Variants in TENM3 observed in about 807,000 individuals in gnomAD.
TENM3 encodes the protein teneurin transmembrane protein 3.
TENM3 carries 63 observed loss-of-function variants against 255.1 expected under a neutral mutation model. The observed-to-expected ratio is 0.25, with a 90% CI of 0.20 to 0.30. The LOEUF (loss-of-function observed/expected upper bound fraction) is 0.30. TENM3 is among the 10% of genes least tolerant of loss of function. The probability of loss-of-function intolerance (pLI) is 1.00; values close to 1 mark genes in which losing one functional copy is unlikely to be tolerated. For synonymous variants in TENM3, 1,306 were observed against 1,322.3 expected (o/e 0.99, Z 0.27); for missense variants, 2,929 against 3,461.1 (o/e 0.85, Z 3.86).
At chr4:182,151,350 A>C (rs1454224488) in intron 1 of TENM3, among the ~76,000 whole-genome samples, 1 of 152,178 alleles carries the variant, frequency 6.6e-6, no homozygotes, top group African/African-American at 2.4e-5. Context: ...TACGCTATTG[A>C]AAAGTAAACT....
the TENM3 span, among the ~76,000 whole-genome samples, chr4:181,957,787 T>A: frequency 6.6e-6 from 1 of 152,120 alleles, no homozygotes; most frequent in Non-Finnish European, 1.5e-5. Flanking sequence ...TATTTAAAAA[T>A]TTGGGTTTTG....
At chr4:181,716,743 A>G in the TENM3 span, among the ~76,000 whole-genome samples, 5 of 152,224 alleles carry the variant, frequency 3.3e-5, no homozygotes, top group African/African-American at 4.8e-5. Context: ...GAGGGTAATC[A>G]ATATTATACA....
chr4:182,664,957 G>A (rs1754538342), intron 6 of TENM3, among the ~76,000 whole-genome samples: 1 of 152,224 alleles, frequency 6.6e-6, no homozygotes, highest in African/African-American at 2.4e-5. Flanking sequence ...AGGTTCTGAT[G>A]TATAAGCTGC....
chr4:182,619,193 C>A (rs113493990), intron 4 of TENM3, among the ~76,000 whole-genome samples: 29,998 of 151,694 alleles, frequency 0.2, 3,526 homozygotes, highest in Non-Finnish European at 0.27. Flanking sequence ...TTTGGGAGGC[C>A]GAGGCAAGCG....
the TENM3 span, among the ~76,000 whole-genome samples, chr4:181,856,669 G>C: frequency 6.6e-6 from 1 of 152,178 alleles, no homozygotes; most frequent in African/African-American, 2.4e-5. Context: ...TCTTGGTGTG[G>C]CGTGAGGTTC....
the TENM3 span, among the ~76,000 whole-genome samples, chr4:181,848,235 G>A: frequency 2.6e-5 from 4 of 152,280 alleles, no homozygotes; most frequent in Admixed American, 6.5e-5. Context: ...TTAAGTTCAC[G>A]TCCAAGTGCA....
At chr4:181,458,151 T>C in the TENM3 span, among the ~76,000 whole-genome samples, 1 of 151,918 alleles carries the variant, frequency 6.6e-6, no homozygotes, top group Non-Finnish European at 1.5e-5. Flanking sequence ...TCCTCATATA[T>C]AGTGTTAGCT....
the TENM3 span, among the ~76,000 whole-genome samples, chr4:181,854,139 G>A: frequency 1.3e-5 from 2 of 152,148 alleles, no homozygotes; most frequent in Non-Finnish European, 1.5e-5. Context: ...ATTACTGATG[G>A]CATAATGATT....
intron 6 of TENM3, among the ~76,000 whole-genome samples, chr4:182,658,710 A>G (rs1306592853): frequency 6.6e-6 from 1 of 152,210 alleles, no homozygotes; most frequent in African/African-American, 2.4e-5. Flanking sequence ...TTGGCCAGGT[A>G]CTTCTTGCGT....
At chr4:181,826,686 C>A in the TENM3 span, among the ~76,000 whole-genome samples, 367 of 152,278 alleles carry the variant, frequency 2.4e-3, 3 homozygotes, top group African/African-American at 8.4e-3. Context: ...GAATCTTAAC[C>A]CTAGCTACAC....
chr4:181,955,109 A>G, the TENM3 span, among the ~76,000 whole-genome samples: 16 of 152,338 alleles, frequency 1.1e-4, no homozygotes, highest in Admixed American at 7.8e-4. Flanking sequence ...CTCCTTAACC[A>G]TTAACTGAGA....
At position 182,681,810 on chromosome 4, in the gene TENM3, C is replaced by T; in HGVS notation, c.1835-4C>T. ...TAATAAAATTGTTCTTTTCTTTACA[C>T]CAGCTGACTGTATAGACCCTGGGTG... On this transcript the variant is annotated splice_polypyrimidine_tract_variant and splice_region_variant and intron_variant, in intron 10 of 27. Coordinates refer to ENST00000511685, the MANE Select transcript of TENM3 (RefSeq NM_001080477.4). The T allele has an allele frequency of 1.2e-6, 2 of 1,606,744 alleles. No individual in the cohort carries two copies. Among genetic ancestry groups the T allele is most frequent in the Non-Finnish European group, 8.5e-7 (1 of 1,174,896 alleles).
chr4:181,602,567 A>C, the TENM3 span, among the ~76,000 whole-genome samples: 1 of 152,178 alleles, frequency 6.6e-6, no homozygotes, highest in Non-Finnish European at 1.5e-5. Context: ...TATCTGTCAA[A>C]AGCCATCTTG....
chr4:182,009,976 G>A, the TENM3 span, among the ~76,000 whole-genome samples: 1 of 152,124 alleles, frequency 6.6e-6, no homozygotes, highest in Non-Finnish European at 1.5e-5. Flanking sequence ...GCTCTCAGGT[G>A]GGCCACCACA....
At chr4:182,362,737 C>G (rs943580207) in intron 3 of TENM3, among the ~76,000 whole-genome samples, 2 of 151,760 alleles carry the variant, frequency 1.3e-5, no homozygotes, top group African/African-American at 4.8e-5. Flanking sequence ...CACTGACCTG[C>G]GCCCACTGTC....
At chr4:182,125,251 C>T in the TENM3 span, among the ~76,000 whole-genome samples, 3 of 152,298 alleles carry the variant, frequency 2.0e-5, no homozygotes, top group East Asian at 3.9e-4. Context: ...GCTACTCGCC[C>T]CTTCCATCTC....
chr4:182,241,827 C>A (rs1303705900), upstream of TENM3, among the ~76,000 whole-genome samples: 1 of 152,070 alleles, frequency 6.6e-6, no homozygotes, highest in African/African-American at 2.4e-5. Context: ...CTTTCTTTTT[C>A]CAGACAGGTA....
chr4:181,615,179 G>A, the TENM3 span, among the ~76,000 whole-genome samples: 1 of 152,068 alleles, frequency 6.6e-6, no homozygotes, highest in Non-Finnish European at 1.5e-5. Context: ...AGACTTACTA[G>A]GACTGGGTGG....
the TENM3 span, among the ~76,000 whole-genome samples, chr4:181,520,826 C>T: frequency 2.0e-5 from 3 of 152,130 alleles, no homozygotes; most frequent in Admixed American, 6.5e-5. Flanking sequence ...AACAATTTCA[C>T]GACCCCAGAA....
Sources: allele counts gnomAD v4.1 joint callset (sites outside exome capture counted in the v4.1 genomes callset), GRCh38; gene constraint gnomAD v4.1.1; transcripts MANE v1.5; gene names NCBI Gene and HGNC (gene_info 2026-07-23, HGNC 2026-07-21).